The following ZNF605 variants were observed in gnomAD, a reference collection of about 807,000 sequenced individuals.
ZNF605 encodes the protein zinc finger protein 605.
Under a neutral mutation model 7.9 loss-of-function variants are expected in ZNF605, and 9 were observed. The ratio of observed to expected loss-of-function variants is 1.14; its 90% CI spans 0.68 to 1.98. The LOEUF (loss-of-function observed/expected upper bound fraction) is 1.98. Ranked by LOEUF, ZNF605 falls within the 30% of genes most tolerant of loss-of-function variation. The probability of loss-of-function intolerance (pLI) is 0.00; values close to 1 mark genes in which losing one functional copy is unlikely to be tolerated. For missense variants in ZNF605, 673 were observed against 762.4 expected (o/e 0.88, Z 1.38); for synonymous variants, 255 against 260.1 (o/e 0.98, Z 0.19).
At chr12:132,948,841 G>A (rs1012935617) in intron 1 of ZNF605, among the ~76,000 whole-genome samples, 12 of 152,168 alleles carry the variant, frequency 7.9e-5, no homozygotes, top group Non-Finnish European at 1.0e-4. Context: ...GTGACCCCAC[G>A]CTCAGGAACC....
chr12:132,954,967 A>C (rs1200322306), intron 1 of ZNF605, among the ~76,000 whole-genome samples: 1 of 152,180 alleles, frequency 6.6e-6, no homozygotes, highest in African/African-American at 2.4e-5. Context: ...GCCACTCGCC[A>C]GCATAGGCCA....
At chr12:132,935,131 C>T (rs1362903730) in intron 3 of ZNF605, among the ~76,000 whole-genome samples, 1 of 152,140 alleles carries the variant, frequency 6.6e-6, no homozygotes, top group Non-Finnish European at 1.5e-5. Flanking sequence ...GGCCAGCCTT[C>T]AGCTGGACTC....
Position 132,925,381 on chromosome 12 carries a change from T to C in ZNF605, c.1918A>G (p.Ile640Val), listed in dbSNP as rs1952236751. 31 of 1,576,092 alleles carry C rather than the reference T, an allele frequency of 2.0e-5. No individual in the cohort carries two copies. The highest frequency in any genetic ancestry group is 2.5e-5 in the Non-Finnish European group (29 of 1,161,448). ...SQLMIHQRNH[I>V]I is the part of the protein sequence containing the mutation. ...CGCCAAAGTCATGATTTTTATATTA[T>C]ATGATTTCTCTGATGTATCATAAGC... is the stretch of plus-strand genomic sequence containing the variant. The change falls in exon 5 of 5, where the codon ATA becomes GTA. Residue 640 changes from isoleucine (I) to valine (V), a missense_variant. Ile to Val is a conservative substitution (Grantham distance 29, BLOSUM62 3). Transcript: ENST00000360187.
chr12:132,942,659 G>A (rs1404723013), intron 3 of ZNF605, among the ~76,000 whole-genome samples: 1 of 152,180 alleles, frequency 6.6e-6, no homozygotes, highest in Non-Finnish European at 1.5e-5. Context: ...TGTTTCTAGG[G>A]GACCACGTGT....
At chr12:132,951,496 T>C (rs1442985304) in intron 1 of ZNF605, among the ~76,000 whole-genome samples, 1 of 148,980 alleles carries the variant, frequency 6.7e-6, no homozygotes, top group African/African-American at 2.5e-5. Flanking sequence ...ACATCACATA[T>C]ACACACACAC....
At chr12:132,935,061 C>T (rs1423522267) in intron 3 of ZNF605, among the ~76,000 whole-genome samples, 6 of 152,042 alleles carry the variant, frequency 3.9e-5, no homozygotes, top group Non-Finnish European at 5.9e-5. Context: ...GGAGTGGGAG[C>T]GGTGGGAATG....
rs1417707550 is a variant in ZNF605 at position 132,922,867 on chromosome 12, T to G, written c.*2506A>C. The G allele has an allele frequency of 2.0e-5, 3 of 152,102 alleles. No individual in the cohort carries two copies. 9.4% of individuals were successfully genotyped at this position (152,102 alleles called of 1,614,324 possible). On this transcript the variant is annotated 3_prime_UTR_variant, in exon 5 of 5. Coordinates refer to ENST00000360187, the MANE Select transcript of ZNF605 (RefSeq NM_183238.4). ...GAGGAAGGGAACGGTAATAAATAAC[T>G]TTTTCTCCTCCCACCTCTGGTATCT...
chr12:132,932,778 A>G, intron 4 of ZNF605: 1 of 1,536,526 alleles, frequency 6.5e-7, no homozygotes, highest in South Asian at 1.2e-5. Flanking sequence ...CAGTTTGAAC[A>G]TTGCATCAGG....
chr12:132,938,745 G>T (rs1209875432), intron 3 of ZNF605, among the ~76,000 whole-genome samples: 4 of 152,186 alleles, frequency 2.6e-5, no homozygotes, highest in Non-Finnish European at 4.4e-5. Context: ...TTGCAGGGAG[G>T]TGTGGAGGGA....
intron 1 of ZNF605, among the ~76,000 whole-genome samples, chr12:132,953,503 T>C (rs928684496): frequency 1.3e-5 from 2 of 152,214 alleles, no homozygotes; most frequent in Admixed American, 6.6e-5. Flanking sequence ...CTCGGTTCAC[T>C]GCAACCTCTG....
In ZNF605 at chr12:132,921,277, T is replaced by C. The variant is rs1165557346; in HGVS notation, c.*4096A>G. The C allele has an allele frequency of 6.6e-6, 1 of 152,182 alleles. No homozygotes were observed. The highest frequency in any genetic ancestry group is 2.4e-5 in the African/African-American group (1 of 41,458). 9.4% of individuals were successfully genotyped at this position (152,182 alleles called of 1,614,324 possible). A position where few individuals can be genotyped will look rare whatever the true frequency, so the allele number is the denominator to read the frequency against. On this transcript the variant is annotated 3_prime_UTR_variant, in exon 5 of 5. Coordinates refer to ENST00000360187, the MANE Select transcript of ZNF605 (RefSeq NM_183238.4). ...TGAGACACCACCCCCAGTTGAAAAG[T>C]TACTTTGGATATAACTGATTTGAAT...
At position 132,920,498 on chromosome 12, in the gene ZNF605, T is replaced by C. The variant is rs1416942734; in HGVS notation, c.*4875A>G. ...TAAATGACCCGGATACAATGAGTAA[T>C]AATTGTGTTCTAAGTTGCAAAGATC... On this transcript the variant is annotated 3_prime_UTR_variant, in exon 5 of 5. Coordinates refer to ENST00000360187, the MANE Select transcript of ZNF605 (RefSeq NM_183238.4). The C allele has an allele frequency of 6.6e-6, 1 of 152,170 alleles. No individual in the cohort carries two copies. The highest frequency in any genetic ancestry group is 1.5e-5 in the Non-Finnish European group (1 of 68,040). The allele number at this position is 152,170 out of a possible 1,614,324, so 9.4% of individuals were successfully genotyped here.
At position 132,918,365 on chromosome 12, in the gene ZNF605, G is replaced by T. The variant is rs1329785172; in HGVS notation, c.*7008C>A. ...TCCCAGTGATCACACTCACACATAT[G>T]AATTCATGAAACAGTTTACTCAGTT... On this transcript the variant is annotated 3_prime_UTR_variant, in exon 5 of 5. Coordinates refer to ENST00000360187, the MANE Select transcript of ZNF605 (RefSeq NM_183238.4). 1 of 152,210 alleles carries T rather than the reference G, an allele frequency of 6.6e-6. No homozygotes were observed. The highest frequency in any genetic ancestry group is 1.9e-4 in the East Asian group (1 of 5,204). The allele number at this position is 152,210 out of a possible 1,614,324, so 9.4% of individuals were successfully genotyped here.
chr12:132,947,009 T>G (rs1952500584), intron 2 of ZNF605, among the ~76,000 whole-genome samples: 2 of 15,228 alleles, frequency 1.3e-4, no homozygotes, highest in African/African-American at 4.9e-4. Flanking sequence ...CACCCCCTTG[T>G]TTTTTTTTGG....
chr12:132,940,287 G>A (rs1294757250), intron 3 of ZNF605, among the ~76,000 whole-genome samples: 1 of 152,186 alleles, frequency 6.6e-6, no homozygotes, highest in African/African-American at 2.4e-5. Context: ...GAGCCGCTCT[G>A]TCCCGACTGT....
chr12:132,929,806 G>A (rs972955747), intron 4 of ZNF605, among the ~76,000 whole-genome samples: 7 of 151,402 alleles, frequency 4.6e-5, no homozygotes, highest in Non-Finnish European at 8.9e-5. Flanking sequence ...ATAGCTGGGC[G>A]TGGTGGTGTG....
chr12:132,953,164 C>T (rs987786155), intron 1 of ZNF605, among the ~76,000 whole-genome samples: 43 of 152,192 alleles, frequency 2.8e-4, no homozygotes, highest in African/African-American at 1.0e-3. Flanking sequence ...CCCCATCAAC[C>T]CCACTCTCAC....
rs770693645 is a variant in ZNF605 at position 132,939,111 on chromosome 12, T to C, written c.16-5956A>G. 3.9e-3 allele frequency among the ~76,000 whole-genome samples: 595 copies of C among 151,534 alleles called. 1 individual carries two copies. The highest frequency in any genetic ancestry group is 7.1e-3 in the Non-Finnish European group (481 of 67,494). The stretch of plus-strand genomic sequence containing the variant: ...CCCTGCTCCACGGCGCCCAGTCCCA[T>C]CGACCACCCAAGGGCTGAGGAATGC... On this transcript the variant is annotated intron_variant, in intron 3 of 4. Transcript: ENST00000360187.
At chr12:132,943,431 C>T (rs955475471) in intron 3 of ZNF605, among the ~76,000 whole-genome samples, 1 of 152,024 alleles carries the variant, frequency 6.6e-6, no homozygotes, top group Non-Finnish European at 1.5e-5. Flanking sequence ...AAGGCTTTAC[C>T]CAGCAGGCCT....
Sources: allele counts gnomAD v4.1 joint callset (sites outside exome capture counted in the v4.1 genomes callset), GRCh38; gene constraint gnomAD v4.1.1; transcripts MANE v1.5; gene names NCBI Gene and HGNC (gene_info 2026-07-23, HGNC 2026-07-21).